Variants in IDO2 observed in about 807,000 individuals in gnomAD.
IDO2 encodes indoleamine 2,3-dioxygenase 2.
IDO2 carries 46 observed loss-of-function variants against 45.1 expected under a neutral mutation model. The ratio of observed to expected loss-of-function variants is 1.02; its 90% CI spans 0.80 to 1.30. The LOEUF is 1.30. Ranked by LOEUF, IDO2 falls within the 50% of genes most tolerant of loss-of-function variation. The pLI, the probability that IDO2 is intolerant of heterozygous loss-of-function variation, is 0.00. For missense variants in IDO2, 544 were observed against 491.8 expected, an observed-to-expected ratio of 1.11 and a Z score of -1.00; for synonymous variants, 218 against 184.9, an observed-to-expected ratio of 1.18 and a Z score of -1.45.
At chr8:40,009,117 C>A (rs747703074) in intron 9 of IDO2, among the ~76,000 whole-genome samples, 1 of 152,176 alleles carries the variant, frequency 6.6e-6, no homozygotes, top group Non-Finnish European at 1.5e-5. Flanking sequence ...CAGGTTCAAG[C>A]TTTCCTCCTG....
chr8:39,999,276 C>CTT (rs35720120), intron 8 of IDO2, among the ~76,000 whole-genome samples: 5,758 of 78,358 alleles, frequency 0.073, 414 homozygotes, highest in East Asian at 0.34. Context: ...TCTGCTGCTG[C>CTT]TTTTTTTTTT....
chr8:39,940,764 C>A (rs1489326082), intron 1 of IDO2, among the ~76,000 whole-genome samples: 2 of 151,960 alleles, frequency 1.3e-5, no homozygotes, highest in African/African-American at 4.8e-5. Flanking sequence ...CTCTGGTAAC[C>A]ACTGTTCTAC....
At chr8:39,987,656 CCT>C in intron 6 of IDO2, 1 of 503,580 alleles carries the variant, frequency 2.0e-6, no homozygotes, top group Non-Finnish European at 3.6e-6. Flanking sequence ...TGGGAGGCTG[CCT>C]GTCAGGTGAA....
At chr8:39,960,538 C>T (rs1406946621) in intron 2 of IDO2, among the ~76,000 whole-genome samples, 1 of 152,208 alleles carries the variant, frequency 6.6e-6, no homozygotes, top group Non-Finnish European at 1.5e-5. Context: ...TATGGCTCTC[C>T]TTCAAAAGTA....
chr8:39,950,782 C>G (rs1362002832), intron 2 of IDO2, among the ~76,000 whole-genome samples: 2 of 152,082 alleles, frequency 1.3e-5, no homozygotes, highest in African/African-American at 4.8e-5. Context: ...GAAAGAAAAG[C>G]AAGTTGCCCA....
intron 2 of IDO2, among the ~76,000 whole-genome samples, chr8:39,950,837 A>T (rs145314430): frequency 6.6e-6 from 1 of 152,200 alleles, no homozygotes; most frequent in South Asian, 2.1e-4. Flanking sequence ...GGCATGCACT[A>T]TGGGCTGGGG....
chr8:39,985,425 A>C, intron 5 of IDO2, 83 bp from the exon 6 acceptor site: 2 of 1,220,594 alleles, frequency 1.6e-6, no homozygotes, highest in Non-Finnish European at 2.3e-6. Flanking sequence ...CCTAGAAGTT[A>C]TTAATATATC....
chr8:39,956,103 A>C (rs1259322260), intron 2 of IDO2, among the ~76,000 whole-genome samples: 1 of 147,740 alleles, frequency 6.8e-6, no homozygotes, highest in African/African-American at 2.5e-5. Flanking sequence ...TCTGTTGCTC[A>C]GACTGGAGTG....
At chr8:40,006,643 A>ATTATT (rs138004689) in intron 9 of IDO2, among the ~76,000 whole-genome samples, 9,705 of 146,772 alleles carry the variant, frequency 0.066, 484 homozygotes, top group East Asian at 0.31. Context: ...GAACTCTACT[A>ATTATT]TTATTTTATT....
exon 5 of IDO2, chr8:39,982,657 G>T: frequency 6.2e-7 from 1 of 1,602,428 alleles, no homozygotes; most frequent in East Asian, 2.2e-5. Context: ...GAAAGGTCCT[G>T]CCAAGGAATC....
At chr8:39,971,869 C>T (rs562317053) in intron 3 of IDO2, among the ~76,000 whole-genome samples, 39 of 151,804 alleles carry the variant, frequency 2.6e-4, no homozygotes, top group African/African-American at 7.7e-4. Context: ...AGTGCAGTGG[C>T]GCAATCTTGG....
At chr8:39,979,081 C>T (rs2129594375) in exon 4 of IDO2, 1 of 1,588,518 alleles carries the variant, frequency 6.3e-7, no homozygotes, top group Non-Finnish European at 8.6e-7. Context: ...CCCTGCTGAG[C>T]TGCCAGTTCC....
At chr8:40,009,663 T>A (rs1802281546) in intron 9 of IDO2, among the ~76,000 whole-genome samples, 1 of 152,206 alleles carries the variant, frequency 6.6e-6, no homozygotes, top group Admixed American at 6.5e-5. Flanking sequence ...AGACTAGAAT[T>A]ACCAACCTAG....
intron 8 of IDO2, among the ~76,000 whole-genome samples, chr8:40,004,280 T>C (rs1005752244): frequency 6.6e-6 from 1 of 152,092 alleles, no homozygotes; most frequent in Admixed American, 6.6e-5. Context: ...CATGGACACT[T>C]CAGAGAAATT....
At chr8:40,001,860 C>T (rs1047235222) in intron 8 of IDO2, among the ~76,000 whole-genome samples, 3 of 152,010 alleles carry the variant, frequency 2.0e-5, no homozygotes, top group African/African-American at 7.2e-5. Context: ...GATCTCAGCT[C>T]ACTGCAACCT....
intron 8 of IDO2, among the ~76,000 whole-genome samples, chr8:40,000,409 CAA>C (rs111983380): frequency 4.5e-5 from 6 of 132,882 alleles, no homozygotes; most frequent in Admixed American, 7.6e-5. Flanking sequence ...ACTCCATCTT[CAA>C]AAAAAAAAAA....
At chr8:39,951,586 G>A (rs898954126) in intron 2 of IDO2, among the ~76,000 whole-genome samples, 1 of 152,080 alleles carries the variant, frequency 6.6e-6, no homozygotes, top group Non-Finnish European at 1.5e-5. Context: ...GAGATCTGGT[G>A]CCACCTCCAC....
At chr8:40,013,806 A>G in intron 10 of IDO2, 93 bp downstream of exon 10, 1 of 999,694 alleles carries the variant, frequency 1.0e-6, no homozygotes, top group Non-Finnish European at 1.4e-6. Context: ...AATATAAATT[A>G]AAATGTCATG....
chr8:39,950,835 C>T (rs769372468), intron 2 of IDO2, among the ~76,000 whole-genome samples: 8 of 152,172 alleles, frequency 5.3e-5, no homozygotes, highest in African/African-American at 1.9e-4. Context: ...ATGGCATGCA[C>T]TATGGGCTGG....
Sources: gnomAD v4.1 joint callset for allele counts (sites outside exome capture counted in the v4.1 genomes callset) on GRCh38, gnomAD v4.1.1 for gene constraint, MANE v1.5 for transcripts, NCBI Gene and HGNC (gene_info 2026-07-23, HGNC 2026-07-21) for gene names.